EPHA5: variants seen among roughly 807,000 people sequenced by gnomAD.
The protein encoded by EPHA5 is ephrin type-A receptor 5.
A neutral mutation model predicts 105.0 loss-of-function variants in EPHA5; 60 were observed. The ratio of observed to expected loss-of-function variants is 0.57; its 90% confidence interval spans 0.46 to 0.71. EPHA5 has a LOEUF of 0.71. EPHA5 is among the 30% of genes least tolerant of loss of function. The pLI, the probability that EPHA5 is intolerant of heterozygous loss-of-function variation, is 0.00. For missense variants in EPHA5, 1,218 were observed against 1,274.7 expected (o/e 0.96, Z 0.68); for synonymous variants, 513 against 449.1 (o/e 1.14, Z -1.80).
intron 2 of EPHA5, among the ~76,000 whole-genome samples, chr4:65,639,600 G>A (rs891436601): frequency 1.3e-5 from 2 of 152,172 alleles, no homozygotes; most frequent in Non-Finnish European, 2.9e-5. Flanking sequence ...TGTTTGCTGA[G>A]TTTCCTGAAT....
chr4:65,485,521 T>C (rs185010229), intron 5 of EPHA5, among the ~76,000 whole-genome samples: 2 of 152,316 alleles, frequency 1.3e-5, no homozygotes, highest in African/African-American at 4.8e-5. Context: ...ATTGTTTTAG[T>C]CCAGATAGCT....
chr4:65,397,542 T>G (rs2148971200), intron 8 of EPHA5, among the ~76,000 whole-genome samples: 1 of 152,260 alleles, frequency 6.6e-6, no homozygotes, highest in Non-Finnish European at 1.5e-5. Context: ...ACTTAATTTT[T>G]TTGACCAGGA....
chr4:65,410,555 T>C (rs1463190904), intron 7 of EPHA5, among the ~76,000 whole-genome samples: 4 of 152,166 alleles, frequency 2.6e-5, no homozygotes, highest in African/African-American at 9.6e-5. Context: ...TAGAATCTAA[T>C]ACACATACGT....
chr4:65,369,750 C>T (rs772091886), intron 8 of EPHA5, among the ~76,000 whole-genome samples: 2 of 151,894 alleles, frequency 1.3e-5, no homozygotes, highest in Non-Finnish European at 2.9e-5. Flanking sequence ...GGCAGATCCA[C>T]GAGGTCAGGA....
chr4:65,634,853 G>T (rs4370201), intron 2 of EPHA5, among the ~76,000 whole-genome samples: 42,110 of 151,620 alleles, frequency 0.28, 6,284 homozygotes, highest in Non-Finnish European at 0.33. Flanking sequence ...AGGAAGCAAA[G>T]CCAAAATAAG....
intron 1 of EPHA5, among the ~76,000 whole-genome samples, chr4:65,667,634 C>A (rs995623507): frequency 1.3e-5 from 2 of 152,122 alleles, no homozygotes; most frequent in Non-Finnish European, 2.9e-5. Context: ...AGGAGACCGG[C>A]GCTATTTCTC....
intron 3 of EPHA5, among the ~76,000 whole-genome samples, chr4:65,574,735 T>C (rs1214046467): frequency 2.0e-5 from 2 of 102,272 alleles, no homozygotes; most frequent in South Asian, 2.9e-4. Flanking sequence ...TATATACATA[T>C]ATATATACAT....
Position 65,462,007 on chromosome 4 carries a change from T to C in EPHA5, c.1402+28370A>G, listed in dbSNP as rs375951652. On this transcript the variant is annotated intron_variant, in intron 5 of 16. Coordinates refer to ENST00000613740, the MANE Select transcript of EPHA5 (RefSeq NM_001281766.3). ...GGAGAAATCAAGCATATGCACACAT[T>C]AGATTATAAAGAGATAGTAGACAGA... Among the ~76,000 whole-genome samples, 29 of 152,082 alleles carry C rather than the reference T, an allele frequency of 1.9e-4. No homozygotes were observed. The East Asian group carries it at 4.3e-3, about 22-fold the overall frequency.
chr4:65,588,122 C>T (rs1351584992), intron 3 of EPHA5, among the ~76,000 whole-genome samples: 2 of 152,046 alleles, frequency 1.3e-5, no homozygotes, highest in Non-Finnish European at 2.9e-5. Context: ...TTTCAGTTGC[C>T]CCTGAAACAG....
intron 7 of EPHA5, among the ~76,000 whole-genome samples, chr4:65,413,606 T>G (rs918990067): frequency 6.6e-6 from 1 of 152,118 alleles, no homozygotes; most frequent in Non-Finnish European, 1.5e-5. Flanking sequence ...ACATATATAC[T>G]TCTGCCATTT....
At chr4:65,395,654 T>C (rs953554321) in intron 8 of EPHA5, among the ~76,000 whole-genome samples, 4 of 152,178 alleles carry the variant, frequency 2.6e-5, no homozygotes, top group Non-Finnish European at 4.4e-5. Context: ...TTTCAATTGT[T>C]GAATAGAACA....
At chr4:65,464,277 T>G (rs894532690) in intron 5 of EPHA5, among the ~76,000 whole-genome samples, 1 of 152,012 alleles carries the variant, frequency 6.6e-6, no homozygotes, top group Admixed American at 6.6e-5. Context: ...TAGCTTGTTT[T>G]CTACAAATTC....
In EPHA5 at chr4:65,351,635, C is replaced by T. The variant is rs768348145; in HGVS notation, c.2236-37G>A. On this transcript the variant is annotated intron_variant, in intron 12 of 16. Transcript: ENST00000613740. ...ATGTAGAAATATTAGTCTAGCAACA[C>T]CAATCACTGGGGGAAAATATGAGAG... 89 of 1,582,762 alleles carry T rather than the reference C, an allele frequency of 5.6e-5. No individual in the cohort carries two copies. The South Asian group carries it at 9.6e-4, about 17-fold the overall frequency.
chr4:65,407,957 G>T (rs1722527221), intron 7 of EPHA5, among the ~76,000 whole-genome samples: 1 of 151,804 alleles, frequency 6.6e-6, no homozygotes, highest in Non-Finnish European at 1.5e-5. Flanking sequence ...TTGTGAAGGG[G>T]TTTCACCATT....
At chr4:65,382,462 C>A (rs1334052983) in intron 8 of EPHA5, among the ~76,000 whole-genome samples, 4 of 151,612 alleles carry the variant, frequency 2.6e-5, no homozygotes, top group Admixed American at 2.0e-4. Context: ...TTTGCTTATT[C>A]CAATATATAT....
At chr4:65,653,385 T>A (rs1209186952) in intron 1 of EPHA5, among the ~76,000 whole-genome samples, 1 of 152,090 alleles carries the variant, frequency 6.6e-6, no homozygotes, top group Non-Finnish European at 1.5e-5. Flanking sequence ...TTTTAAATCT[T>A]TGGTTAATGT....
intron 3 of EPHA5, among the ~76,000 whole-genome samples, chr4:65,524,999 T>C (rs186040146): frequency 6.6e-6 from 1 of 151,932 alleles, no homozygotes; most frequent in African/African-American, 2.4e-5. Flanking sequence ...CAGTGTCTGA[T>C]TGTTTTCCTT....
intron 3 of EPHA5, among the ~76,000 whole-genome samples, chr4:65,558,159 G>A (rs532477336): frequency 2.6e-5 from 4 of 152,238 alleles, no homozygotes; most frequent in Admixed American, 6.5e-5. Context: ...TTACAGGTGT[G>A]AGGCACCACA....
At chr4:65,552,869 G>C (rs1397809695) in intron 3 of EPHA5, among the ~76,000 whole-genome samples, 1 of 151,646 alleles carries the variant, frequency 6.6e-6, no homozygotes, top group Non-Finnish European at 1.5e-5. Context: ...CTTTTTTTTA[G>C]TAAATAAGCA....
Sources: gnomAD v4.1 joint callset for allele counts (sites outside exome capture counted in the v4.1 genomes callset) on GRCh38, gnomAD v4.1.1 for gene constraint, MANE v1.5 for transcripts, NCBI Gene and HGNC (gene_info 2026-07-23, HGNC 2026-07-21) for gene names.